The following TACC2 variants were observed in gnomAD, a reference collection of about 807,000 sequenced individuals.
TACC2 encodes the protein transforming acidic coiled-coil containing protein 2.
TACC2 carries 137 observed loss-of-function variants against 227.3 expected under a neutral mutation model. The observed-to-expected ratio is 0.60, with a 90% CI of 0.52 to 0.69. The LOEUF is 0.69. Among genes scored for constraint, TACC2 ranks in the 30% least tolerant of loss-of-function variants. TACC2 has a pLI of 0.00. For missense variants in TACC2, 3,470 were observed against 3,694.4 expected (o/e 0.94, Z 1.57); for synonymous variants, 1,523 against 1,487.5 (o/e 1.02, Z -0.55).
intron 5 of TACC2, among the ~76,000 whole-genome samples, chr10:122,114,620 A>G (rs1460088566): frequency 6.6e-6 from 1 of 152,162 alleles, no homozygotes; most frequent in African/African-American, 2.4e-5. Flanking sequence ...CGGAGCAGCA[A>G]ATAGGCCAGC....
At chr10:122,069,272 C>T (rs886786296) in intron 3 of TACC2, among the ~76,000 whole-genome samples, 7 of 151,830 alleles carry the variant, frequency 4.6e-5, no homozygotes, top group African/African-American at 7.3e-5. Context: ...GACGGAGTCT[C>T]GCTCTGTCGC....
intron 7 of TACC2, among the ~76,000 whole-genome samples, chr10:122,188,528 A>G (rs1313800809): frequency 6.6e-6 from 1 of 152,134 alleles, no homozygotes; most frequent in Non-Finnish European, 1.5e-5. Context: ...ACCTCAGGTC[A>G]TCTGCCTGCC....
intron 5 of TACC2, among the ~76,000 whole-genome samples, chr10:122,124,668 T>A (rs1300984755): frequency 1.3e-5 from 2 of 152,316 alleles, no homozygotes; most frequent in Non-Finnish European, 1.5e-5. Context: ...GGGGAGTGGC[T>A]GTTTGCCTGC....
At chr10:122,252,851 C>A (rs1416749388) in intron 22 of TACC2, among the ~76,000 whole-genome samples, 1 of 152,182 alleles carries the variant, frequency 6.6e-6, no homozygotes, top group African/African-American at 2.4e-5. Context: ...GCCCCATCGT[C>A]CAGCTGGCAT....
chr10:122,048,388 C>T (rs755052028), intron 2 of TACC2, among the ~76,000 whole-genome samples: 6 of 148,796 alleles, frequency 4.0e-5, no homozygotes, highest in Admixed American at 1.3e-4. Context: ...TTTTTTTCTC[C>T]TCCCTTTCCT....
intron 5 of TACC2, among the ~76,000 whole-genome samples, chr10:122,113,984 T>C (rs2084157362): frequency 6.6e-6 from 1 of 152,272 alleles, no homozygotes; most frequent in Admixed American, 6.5e-5. Context: ...TGGTCTTTTC[T>C]TAAAATGGCT....
In TACC2 at chr10:122,008,264, A is replaced by ATTATTATTTTTT; in HGVS notation, c.-45-13671_-45-13670insATTATTTTTTTT. 4.1e-3 allele frequency among the ~76,000 whole-genome samples: 553 copies of ATTATTATTTTTT among 134,632 alleles called. 4 individuals are homozygous for ATTATTATTTTTT. Among genetic ancestry groups the ATTATTATTTTTT allele is most frequent in the Non-Finnish European group, 6.1e-3 (395 of 64,426 alleles). The allele number at this position is 134,632 out of a possible 152,430, so 88.3% of individuals were successfully genotyped here. A position where few individuals can be genotyped will look rare whatever the true frequency, so the allele number is the denominator to read the frequency against. On this transcript the variant is annotated intron_variant, in intron 1 of 22. Transcript: ENST00000369005. Reference sequence around the variant, plus strand: ...TCCCTTTGTTATTATTATTATTATTATTTTTTTTTTTTGAGACAGAATTTT... The same window carrying ATTATTATTTTTT: ...TCCCTTTGTTATTATTATTATTATTATTATTATTTTTTTTTTTTTTTTTTGAGACAGAATTTT...
intron 11 of TACC2, among the ~76,000 whole-genome samples, chr10:122,217,437 CTTTTTTTT>C (rs35233150): frequency 2.0e-4 from 19 of 93,250 alleles, no homozygotes; most frequent in East Asian, 8.9e-4. Context: ...TTTCTTTTTT[CTTTTTTTT>C]TTTTTTTTTT....
Position 122,084,697 on chromosome 10 carries a change from C to T in TACC2, c.2197C>T (p.Pro733Ser). The T allele has an allele frequency of 1.9e-6, 3 of 1,613,634 alleles. No homozygotes were observed. Among genetic ancestry groups the T allele is most frequent in the Non-Finnish European group, 2.5e-6 (3 of 1,180,026 alleles). Residue 733 changes from proline (P) to serine (S), a missense_variant, in exon 4 of 23, where the codon CCC becomes TCC. Around this residue, in one of 10 missense-constraint regions of TACC2, gnomAD observed 1,924 missense variants for 1,978.3 expected, o/e 0.97. Coordinates refer to ENST00000369005, the MANE Select transcript of TACC2 (RefSeq NM_206862.4). Reference sequence around the variant, plus strand: ...ACCAACTCCTGTTGCAGAGGTTGCACCCAAAGCCCAGGAAGGTGAGAGCAC... The same window carrying T: ...ACCAACTCCTGTTGCAGAGGTTGCATCCAAAGCCCAGGAAGGTGAGAGCAC... ...FPPTPVAEVA[P>S]KAQEGESTLE...
intron 10 of TACC2, among the ~76,000 whole-genome samples, chr10:122,216,202 T>C (rs1366731364): frequency 6.6e-6 from 1 of 151,952 alleles, no homozygotes; most frequent in East Asian, 1.9e-4. Flanking sequence ...CACTTCCCAC[T>C]CTCCAGTGGA....
chr10:122,237,322 A>C, intron 16 of TACC2, 73 bp from the exon 17 acceptor site: 1 of 1,425,136 alleles, frequency 7.0e-7, no homozygotes, highest in Non-Finnish European at 9.5e-7. Context: ...CATTCATGAG[A>C]GGGTGAGTGT....
At chr10:122,095,835 G>C (rs1425859928) in intron 5 of TACC2, among the ~76,000 whole-genome samples, 2 of 152,228 alleles carry the variant, frequency 1.3e-5, no homozygotes, top group African/African-American at 4.8e-5. Flanking sequence ...GCGAGCACTT[G>C]AAATGAGGCT....
intron 3 of TACC2, among the ~76,000 whole-genome samples, chr10:122,080,423 G>A (rs1278958148): frequency 6.6e-6 from 1 of 151,726 alleles, no homozygotes; most frequent in East Asian, 1.9e-4. Context: ...TTTTAGAGAT[G>A]GAGTTTCGCC....
At chr10:122,061,221 G>A (rs942871255) in intron 3 of TACC2, among the ~76,000 whole-genome samples, 1 of 128,980 alleles carries the variant, frequency 7.8e-6, no homozygotes, top group Non-Finnish European at 1.5e-5. Flanking sequence ...TGAGGCAGCA[G>A]AATGGCGTGA....
intron 1 of TACC2, among the ~76,000 whole-genome samples, chr10:122,003,443 A>T (rs1400194523): frequency 6.6e-6 from 1 of 152,108 alleles, no homozygotes; most frequent in Non-Finnish European, 1.5e-5. Flanking sequence ...TGCTTTAAAT[A>T]CATCCCATTG....
Position 122,180,528 on chromosome 10 carries a change from C to G in TACC2, c.5835-14512C>G, listed in dbSNP as rs1172434475. Among the ~76,000 whole-genome samples the G allele has an allele frequency of 6.6e-6, 1 of 151,956 alleles. No individual in the cohort carries two copies. The highest frequency in any genetic ancestry group is 2.4e-5 in the African/African-American group (1 of 41,380). ...AATTTTTTTGTGTTTTTGGTAGAAACGAGGTTTCACCATGTTAGCCAGGAT... is the reference window on the plus strand; with the variant it reads ...AATTTTTTTGTGTTTTTGGTAGAAAGGAGGTTTCACCATGTTAGCCAGGAT... On this transcript the variant is annotated intron_variant, in intron 7 of 22. Coordinates refer to ENST00000369005, the MANE Select transcript of TACC2 (RefSeq NM_206862.4). The surrounding 1 kb of genome is among the most constrained non-coding windows in gnomAD (Gnocchi z 4.5).
chr10:121,997,721 T>G (rs1375046730), intron 1 of TACC2, among the ~76,000 whole-genome samples: 1 of 152,168 alleles, frequency 6.6e-6, no homozygotes, highest in Admixed American at 6.5e-5. Flanking sequence ...CAAGGGCACA[T>G]GCTTAACGGC....
At chr10:122,142,666 G>A (rs990307238) in intron 6 of TACC2, among the ~76,000 whole-genome samples, 1 of 152,230 alleles carries the variant, frequency 6.6e-6, no homozygotes, top group Non-Finnish European at 1.5e-5. Flanking sequence ...CAAGGGCTGT[G>A]ACGCCACAAA....
rs2095237057 is a variant in TACC2 at position 122,209,527 on chromosome 10, C to G, written c.5972-870C>G. 6.6e-6 allele frequency among the ~76,000 whole-genome samples: 1 copy of G among 152,194 alleles called. No individual in the cohort carries two copies. The highest frequency in any genetic ancestry group is 6.5e-5 in the Admixed American group (1 of 15,290). ...ATTCCTTCTACCCAGGATGCTTCCT[C>G]CCCAGGAGTCCTCCTGTTTCATGCA... is the stretch of plus-strand genomic sequence containing the variant. On this transcript the variant is annotated intron_variant, in intron 8 of 22. Coordinates refer to ENST00000369005, the MANE Select transcript of TACC2 (RefSeq NM_206862.4). This position sits in a 1 kb window ranked among gnomAD's most constrained non-coding sequence, Gnocchi z 4.5.
Sources: gnomAD v4.1 joint callset for allele counts (sites outside exome capture counted in the v4.1 genomes callset) on GRCh38, gnomAD v4.1.1 for gene constraint, gnomAD v4.1.1 regional missense constraint, Gnocchi (gnomAD v3.1) non-coding constraint, MANE v1.5 for transcripts, NCBI Gene and HGNC (gene_info 2026-07-23, HGNC 2026-07-21) for gene names.